Variants in PWWP3A observed in about 807,000 individuals in gnomAD.
PWWP3A encodes PWWP domain containing 3A, DNA repair factor, also known as PWWP domain-containing DNA repair factor 3A.
PWWP3A carries 53 observed loss-of-function variants against 79.0 expected under a neutral mutation model. That is an observed-to-expected ratio of 0.67 (90% CI 0.54 to 0.84). PWWP3A has a LOEUF of 0.84. Among genes scored for constraint, PWWP3A ranks in the 40% least tolerant of loss-of-function variants. The pLI is 0.00. For synonymous variants in PWWP3A, 443 were observed against 394.4 expected (o/e 1.12, Z -1.46); for missense variants, 973 against 948.0 (o/e 1.03, Z -0.35).
rs2081873371 is a variant in PWWP3A, at chr19:1,356,571, C to T, written c.57+122C>T. 3.4e-6 allele frequency: 3 copies of T among 894,140 alleles called. No individual in the cohort carries two copies. The South Asian group carries it at 4.9e-5, about 15-fold the overall frequency. 55.4% of individuals were successfully genotyped at this position (894,140 alleles called of 1,614,324 possible). ...AATAATTGAGCCAGAACACGGTTGG[C>T]ACTGATTCTCGTTCCCCATTTAATG... is the stretch of plus-strand genomic sequence containing the variant. On this transcript the variant is annotated intron_variant, in intron 2 of 13. Coordinates refer to ENST00000591337, the MANE Select transcript of PWWP3A (RefSeq NM_001369789.1).
chr19:1,359,836 T>C (rs1392799470), intron 4 of PWWP3A: 1 of 253,088 alleles, frequency 4.0e-6, no homozygotes, highest in Non-Finnish European at 7.4e-6. Context: ...TTTGAATACA[T>C]TTTGCTCACG....
Position 1,360,409 on chromosome 19 carries a change from C to G in PWWP3A, c.488C>G (p.Ser163Trp), listed in dbSNP as rs117812723. 173 of 1,614,012 alleles carry G rather than the reference C, an allele frequency of 1.1e-4. No individual in the cohort carries two copies. Among genetic ancestry groups the G allele is most frequent in the Non-Finnish European group, 1.4e-4 (164 of 1,180,048 alleles). The change falls in exon 5 of 14, where the codon TCG becomes TGG. Residue 163 changes from serine to tryptophan, a missense_variant. By Grantham distance (177) the Ser-to-Trp change is radical. Coordinates refer to ENST00000591337, the MANE Select transcript of PWWP3A (RefSeq NM_001369789.1). This position sits in a 1 kb window ranked among gnomAD's most constrained non-coding sequence, Gnocchi z 4.4. ...TGTGTGCAACAAAGCCTGTCAAGTT[C>G]GTTCACTTGTGAAAAGGACCCCGAG... Reference protein sequence around the residue: ...RPCVQQSLSSSFTCEKDPECK... With the variant: ...RPCVQQSLSSWFTCEKDPECK...
At chr19:1,358,626 G>C (rs1414578097) in intron 4 of PWWP3A, 162 bp downstream of exon 4, 1 of 1,546,816 alleles carries the variant, frequency 6.5e-7, no homozygotes, top group East Asian at 2.4e-5. Flanking sequence ...AAGGAAAAAT[G>C]GATCCGCTTT....
Position 1,369,368 on chromosome 19 carries a change from G to A in PWWP3A, c.1498+28G>A. 1 of 1,609,510 alleles carries A rather than the reference G, an allele frequency of 6.2e-7. No homozygotes were observed. Among genetic ancestry groups the A allele is most frequent in the Non-Finnish European group, 8.5e-7 (1 of 1,177,460 alleles). On this transcript the variant is annotated intron_variant, in intron 10 of 13. Coordinates refer to ENST00000591337, the MANE Select transcript of PWWP3A (RefSeq NM_001369789.1). This position sits in a 1 kb window ranked among gnomAD's most constrained non-coding sequence, Gnocchi z 4.0. ...ACGTGGGGTGCTGGGGAGGGGTGGA[G>A]CTGGGCAGCAGGCGTCCAGCCTCTG...
At chr19:1,357,645 T>C (rs1404638681) in intron 3 of PWWP3A, 1 of 151,230 alleles carries the variant, frequency 6.6e-6, no homozygotes, top group Non-Finnish European at 1.5e-5. Context: ...AGGTGTAGAT[T>C]GTCTAGAATG....
chr19:1,362,062 T>A, intron 5 of PWWP3A, 188 bp from the exon 6 acceptor site: 1 of 398,206 alleles, frequency 2.5e-6, no homozygotes, highest in Admixed American at 4.1e-5. Flanking sequence ...CCTCCTTCCC[T>A]CTTGCGTTTT....
In PWWP3A at chr19:1,378,007, C is replaced by T. The variant is rs757702851; in HGVS notation, c.*1431C>T. 6.6e-6 allele frequency: 1 copy of T among 152,286 alleles called. No individual in the cohort carries two copies. The highest frequency in any genetic ancestry group is 1.5e-5 in the Non-Finnish European group (1 of 68,074). 9.4% of individuals were successfully genotyped at this position (152,286 alleles called of 1,614,324 possible). A position where few individuals can be genotyped will look rare whatever the true frequency, so the allele number is the denominator to read the frequency against. On this transcript the variant is annotated 3_prime_UTR_variant, in exon 14 of 14. Transcript: ENST00000591337. ...TCGGTGTTCACTGACCTTTGTTTCACTTGCCTCTGCTCGACTCCGAGAGCA... is the reference window on the plus strand; with the variant it reads ...TCGGTGTTCACTGACCTTTGTTTCATTTGCCTCTGCTCGACTCCGAGAGCA...
intron 13 of PWWP3A, among the ~76,000 whole-genome samples, chr19:1,375,520 TC>T (rs1190694927): frequency 7.2e-5 from 6 of 83,118 alleles, no homozygotes; most frequent in Admixed American, 6.5e-4. Context: ...ATATATAAAA[TC>T]ATATAATTTA....
chr19:1,361,194 C>G lies in PWWP3A; in HGVS notation c.1111+162C>G, dbSNP rs531177765. On this transcript the variant is annotated intron_variant, in intron 5 of 13. Transcript: ENST00000591337. ...CTTCCTCATTCCTTTTTGTCTGTCT[C>G]CCCACTGGGCTATAATTGCTTCAAC... 2.6e-5 allele frequency among the ~76,000 whole-genome samples: 4 copies of G among 152,318 alleles called. No homozygotes were observed. The South Asian group carries it at 6.2e-4, about 24-fold the overall frequency.
At chr19:1,367,844 C>T (rs1260360220) in intron 9 of PWWP3A, among the ~76,000 whole-genome samples, 2 of 152,234 alleles carry the variant, frequency 1.3e-5, no homozygotes, top group Non-Finnish European at 2.9e-5. Context: ...ACCAACACGT[C>T]AACTCAGTGC....
At chr19:1,355,378 C>T (rs1037694787) in intron 1 of PWWP3A, among the ~76,000 whole-genome samples, 4 of 151,634 alleles carry the variant, frequency 2.6e-5, no homozygotes, top group South Asian at 2.1e-4. Context: ...TGGACCCGCT[C>T]CCCCATCCTT....
At chr19:1,363,607 C>T (rs577655508) in intron 6 of PWWP3A, among the ~76,000 whole-genome samples, 158 of 152,330 alleles carry the variant, frequency 1.0e-3, no homozygotes, top group African/African-American at 3.6e-3. Flanking sequence ...GCGGTGGGAG[C>T]TGGGTTTTGC....
chr19:1,375,802 A>G (rs1241493866), intron 13 of PWWP3A, among the ~76,000 whole-genome samples: 1 of 80,670 alleles, frequency 1.2e-5, no homozygotes, highest in Non-Finnish European at 2.6e-5. Context: ...ACACATATGT[A>G]TTTATTTATT....
chr19:1,373,112 A>G lies in PWWP3A; in HGVS notation c.2027A>G (p.Tyr676Cys). 2 of 1,614,248 alleles carry G rather than the reference A, an allele frequency of 1.2e-6. No homozygotes were observed. Among genetic ancestry groups the G allele is most frequent in the Non-Finnish European group, 1.7e-6 (2 of 1,180,046 alleles). Residue 676 changes from tyrosine (Y) to cysteine (C), a missense_variant, in exon 13 of 14, where the codon TAC becomes TGC. Transcript: ENST00000591337. ...ATCTCTGCGGTGGACGAGGTGGACT[A>G]CAAGACGGCTGAGGAGAAGTACATC... ...CAISAVDEVD[Y>C]KTAEEKYIKG...
At position 1,366,324 on chromosome 19, in the gene PWWP3A, G is replaced by A. The variant is rs780338438; in HGVS notation, c.1304G>A (p.Arg435Lys). 7 of 1,614,240 alleles carry A rather than the reference G, an allele frequency of 4.3e-6. No individual in the cohort carries two copies. The highest frequency in any genetic ancestry group is 5.9e-6 in the Non-Finnish European group (7 of 1,180,026). Residue 435 changes from arginine (R) to lysine (K), a missense_variant, in exon 8 of 14, where the codon AGA becomes AAA. Physicochemically the swap from Arg to Lys is conservative, Grantham distance 26. Transcript: ENST00000591337. ...GAACAGGTCAAAAGCGTCAGGCAGA[G>A]AGATAAGAAAGCAAGTGTGCTATAC... ...WPAVVKSVRQ[R>K]DKKASVLYIE...
At chr19:1,358,249 T>A (rs2081928468) in intron 3 of PWWP3A, 145 bp from the exon 4 acceptor site, 5 of 681,972 alleles carry the variant, frequency 7.3e-6, no homozygotes, top group Non-Finnish European at 9.8e-6. Context: ...GGCAGATGAA[T>A]TCCTAGTTGG....
At position 1,373,144 on chromosome 19, in the gene PWWP3A, C is replaced by A. The variant is rs1568960056; in HGVS notation, c.2059C>A (p.Pro687Thr). The A allele has an allele frequency of 6.2e-7, 1 of 1,614,164 alleles. No individual in the cohort carries two copies. Residue 687 changes from proline (P) to threonine (T), a missense_variant, in exon 13 of 14, where the codon CCT becomes ACT. Physicochemically the swap from Pro to Thr is conservative, Grantham distance 38 (BLOSUM62 -1). Transcript: ENST00000591337. ...KTAEEKYIKG[P>T]SLSYREKEIF... ...GGCTGAGGAGAAGTACATCAAGGGG[C>A]CTTCGCTGAGCTACCGGTAGGCCGC...
rs1461528354 is a variant in PWWP3A at position 1,358,453 on chromosome 19, C to G, written c.203C>G (p.Ala68Gly). Residue 68 changes from alanine (A) to glycine (G), a missense_variant, in exon 4 of 14, where the codon GCT becomes GGT. Ala to Gly is a moderately conservative substitution (Grantham distance 60). Transcript: ENST00000591337. ...ILEKSQIEAI[A>G]SSLASQNEVP... is the part of the protein sequence containing the mutation. ...GAGAAGTCTCAAATTGAAGCCATTG[C>G]TTCCTCGTTAGGTAAGAGCGTATTT... The G allele has an allele frequency of 2.5e-6, 4 of 1,614,076 alleles. No homozygotes were observed. Among genetic ancestry groups the G allele is most frequent in the South Asian group, 1.1e-5 (1 of 91,054 alleles).
Position 1,358,762 on chromosome 19 carries a change from T to C in PWWP3A, c.214+298T>C, listed in dbSNP as rs1280512801. ...CAGTACACAAGACGAGGAAGGACTT[T>C]GCTGCCATAAGGGGGGAGGTCCTCC... On this transcript the variant is annotated intron_variant, in intron 4 of 13. Coordinates refer to ENST00000591337, the MANE Select transcript of PWWP3A (RefSeq NM_001369789.1). The C allele has an allele frequency of 2.1e-5, 24 of 1,129,800 alleles. No homozygotes were observed. In the South Asian group the frequency reaches 3.0e-4, roughly 14 times the overall value. 70.0% of individuals were successfully genotyped at this position (1,129,800 alleles called of 1,614,324 possible).
Sources: allele counts gnomAD v4.1 joint callset (sites outside exome capture counted in the v4.1 genomes callset), GRCh38; gene constraint gnomAD v4.1.1; non-coding constraint Gnocchi (gnomAD v3.1); transcripts MANE v1.5; gene names NCBI Gene and HGNC (gene_info 2026-07-23, HGNC 2026-07-21).